ZNF462: variants seen among roughly 807,000 people sequenced by gnomAD.
ZNF462 encodes the protein zinc finger protein 462.
ZNF462 carries 10 observed loss-of-function variants against 201.9 expected under a neutral mutation model. The observed-to-expected ratio is 0.05, with a 90% CI of 0.03 to 0.08. The LOEUF is 0.08. Ranked by LOEUF, ZNF462 falls within the 10% of genes least tolerant of loss-of-function variation. The probability of loss-of-function intolerance (pLI) is 1.00; values close to 1 mark genes in which losing one functional copy is unlikely to be tolerated. For missense variants in ZNF462, 2,523 were observed against 3,168.3 expected (o/e 0.80, Z 4.89); for synonymous variants, 1,227 against 1,193.3 (o/e 1.03, Z -0.58).
intron 1 of ZNF462, among the ~76,000 whole-genome samples, chr9:106,892,498 T>C (rs1370848140): frequency 6.7e-6 from 1 of 149,476 alleles, no homozygotes; most frequent in African/African-American, 2.5e-5. Context: ...AGAGTTCTTC[T>C]CACTTAACAT....
In ZNF462 at chr9:106,927,427, C is replaced by G. The variant is rs1469441260; in HGVS notation, c.3515C>G (p.Pro1172Arg). 6.2e-6 allele frequency: 10 copies of G among 1,614,006 alleles called. No individual in the cohort carries two copies. Among genetic ancestry groups the G allele is most frequent in the Admixed American group, 1.7e-5 (1 of 60,010 alleles). ...CAAGGCTCCCCCCGGCCACCCGCCC[C>G]CATACAACAGCTGAACCGAAGCAGC... is the stretch of plus-strand genomic sequence containing the variant. ...GPQGSPRPPA[P>R]IQQLNRSSSE... Residue 1172 changes from proline (P) to arginine (R), a missense_variant, in exon 3 of 13, where the codon CCC becomes CGC. This residue lies in a region of ZNF462 where 222 missense variants were observed against 271.6 expected (regional missense o/e 0.82). Coordinates refer to ENST00000277225, the MANE Select transcript of ZNF462 (RefSeq NM_021224.6).
chr9:106,932,245 T>C lies in ZNF462; in HGVS notation c.6013-201T>C, dbSNP rs1830453293. The C allele has an allele frequency of 6.5e-7, 1 of 1,549,982 alleles. No individual in the cohort carries two copies. Among genetic ancestry groups the C allele is most frequent in the Admixed American group, 2.0e-5 (1 of 50,966 alleles). ...TTATTTTGTTGGTGGGGCATGTGTG[T>C]GTGTGTGGTTCTCTTAGCAGGAGGC... On this transcript the variant is annotated intron_variant, in intron 4 of 12. Transcript: ENST00000277225. The surrounding 1 kb of genome is among the most constrained non-coding windows in gnomAD (Gnocchi z 6.8).
rs201673834 is a variant in ZNF462 at position 106,929,562 on chromosome 9, G to A, written c.5650G>A (p.Gly1884Ser). 66 of 1,614,158 alleles carry A rather than the reference G, an allele frequency of 4.1e-5. No homozygotes were observed. The East Asian group carries it at 1.2e-3, about 29-fold the overall frequency. Reference sequence around the variant, plus strand: ...GAGGGACTTCATCATTCTGGGCAACGGCCCCCGCTTGCAGAACTCCACCTA... The same window carrying A: ...GAGGGACTTCATCATTCTGGGCAACAGCCCCCGCTTGCAGAACTCCACCTA... ...LKRDFIILGNGPRLQNSTYQC... is the reference protein window; with the variant it reads ...LKRDFIILGNSPRLQNSTYQC... The change falls in exon 3 of 13, where the codon GGC (glycine) becomes AGC (serine). Residue 1884 changes from glycine to serine, a missense_variant. Coordinates refer to ENST00000277225, the MANE Select transcript of ZNF462 (RefSeq NM_021224.6). This position sits in a 1 kb window ranked among gnomAD's most constrained non-coding sequence, Gnocchi z 8.7.
intron 11 of ZNF462, among the ~76,000 whole-genome samples, chr9:107,007,341 G>C (rs1829619364): frequency 6.6e-6 from 1 of 152,164 alleles, no homozygotes; most frequent in South Asian, 2.1e-4. Context: ...TACCCTACTT[G>C]GCAGCCCCCT....
intron 1 of ZNF462, among the ~76,000 whole-genome samples, chr9:106,921,898 G>A (rs1830007628): frequency 6.6e-6 from 1 of 152,186 alleles, no homozygotes; most frequent in Non-Finnish European, 1.5e-5. Context: ...CTGGTGCACA[G>A]TTCAATGTTT....
chr9:106,994,841 T>C (rs1169056701), intron 10 of ZNF462, among the ~76,000 whole-genome samples: 2 of 152,174 alleles, frequency 1.3e-5, no homozygotes, highest in Non-Finnish European at 2.9e-5. Flanking sequence ...CAAAATTCTT[T>C]GTCCCAGATT....
chr9:106,909,641 ATTG>A (rs1829459064), intron 1 of ZNF462, among the ~76,000 whole-genome samples: 1 of 152,162 alleles, frequency 6.6e-6, no homozygotes. Context: ...ATACTTCGGT[ATTG>A]TTCTCTCTTT....
rs1829100310 is a variant in ZNF462 at position 106,902,403 on chromosome 9, T to C, written c.-30-20951T>C. 6.6e-6 allele frequency among the ~76,000 whole-genome samples: 1 copy of C among 152,144 alleles called. No homozygotes were observed. The highest frequency in any genetic ancestry group is 1.5e-5 in the Non-Finnish European group (1 of 67,988). ...TTTCTTCTGTGGTTATGTCGTTTCC[T>C]GGTTTTGGTATTAGAGTGCTGCTGG... On this transcript the variant is annotated intron_variant, in intron 1 of 12. Coordinates refer to ENST00000277225, the MANE Select transcript of ZNF462 (RefSeq NM_021224.6). This position sits in a 1 kb window ranked among gnomAD's most constrained non-coding sequence, Gnocchi z 4.2.
At chr9:106,899,677 T>G (rs1416655529) in intron 1 of ZNF462, among the ~76,000 whole-genome samples, 1 of 152,138 alleles carries the variant, frequency 6.6e-6, no homozygotes, top group Non-Finnish European at 1.5e-5. Context: ...GAGAAAACAC[T>G]CATTTAAGAT....
Position 106,963,509 on chromosome 9 carries a change from A to G in ZNF462, c.6428-8496A>G, listed in dbSNP as rs1367607229. Among the ~76,000 whole-genome samples the G allele has an allele frequency of 6.6e-6, 1 of 152,076 alleles. No homozygotes were observed. Among genetic ancestry groups the G allele is most frequent in the Non-Finnish European group, 1.5e-5 (1 of 67,986 alleles). ...ACATTACCTGCTTGGTTGTCATTTC[A>G]GATTGACAGGAACAATGCCTTGTGT... On this transcript the variant is annotated intron_variant, in intron 7 of 12. Coordinates refer to ENST00000277225, the MANE Select transcript of ZNF462 (RefSeq NM_021224.6). The surrounding 1 kb of genome is among the most constrained non-coding windows in gnomAD (Gnocchi z 4.7).
intron 10 of ZNF462, among the ~76,000 whole-genome samples, chr9:106,990,611 T>C (rs938798988): frequency 2.0e-5 from 3 of 151,994 alleles, no homozygotes; most frequent in African/African-American, 7.2e-5. Flanking sequence ...CCATATTATG[T>C]TCTTTAATTT....
intron 1 of ZNF462, among the ~76,000 whole-genome samples, chr9:106,891,378 A>C (rs907391396): frequency 6.6e-6 from 1 of 152,130 alleles, no homozygotes; most frequent in African/African-American, 2.4e-5. Flanking sequence ...GAAAGTTTAA[A>C]AACAAGTGAT....
Position 106,905,875 on chromosome 9 carries a change from G to A in ZNF462, c.-30-17479G>A, listed in dbSNP as rs188697870. ...TCTTCCACACCTGTGTAGTCTGCAC[G>A]CCGGATTTATGCCCTCCCCGGAGTT... On this transcript the variant is annotated intron_variant, in intron 1 of 12. Transcript: ENST00000277225. This position sits in a 1 kb window ranked among gnomAD's most constrained non-coding sequence, Gnocchi z 5.9. Among the ~76,000 whole-genome samples, 11 of 152,124 alleles carry A rather than the reference G, an allele frequency of 7.2e-5. No individual in the cohort carries two copies. Among genetic ancestry groups the A allele is most frequent in the Admixed American group, 4.6e-4 (7 of 15,290 alleles).
intron 10 of ZNF462, among the ~76,000 whole-genome samples, chr9:107,002,823 C>T (rs896911698): frequency 1.3e-5 from 2 of 152,118 alleles, no homozygotes; most frequent in Non-Finnish European, 2.9e-5. Flanking sequence ...CCTGCAACAC[C>T]CTGGTTGATG....
intron 1 of ZNF462, among the ~76,000 whole-genome samples, chr9:106,918,571 T>C (rs1159487531): frequency 6.6e-6 from 1 of 152,214 alleles, no homozygotes; most frequent in Non-Finnish European, 1.5e-5. Context: ...AGAACTTCCC[T>C]TGTTGCTAAG....
chr9:106,960,622 A>T (rs1831790204), intron 7 of ZNF462, among the ~76,000 whole-genome samples: 1 of 152,148 alleles, frequency 6.6e-6, no homozygotes, highest in Non-Finnish European at 1.5e-5. Flanking sequence ...TTCTCAATTA[A>T]CAATGGCAGA....
At position 106,863,860 on chromosome 9, in the gene ZNF462, G is replaced by A. The variant is rs140354625; in HGVS notation, c.-31+505G>A. On this transcript the variant is annotated intron_variant, in intron 1 of 12. Coordinates refer to ENST00000277225, the MANE Select transcript of ZNF462 (RefSeq NM_021224.6). ...GGGAGGCCGGAGACCTGAGCCGAGA[G>A]CCAGAGGGAGCGAGCGAGGGTCAGA... Among the ~76,000 whole-genome samples, 168 of 151,786 alleles carry A rather than the reference G, an allele frequency of 1.1e-3. 4 individuals carry two copies. In the East Asian group the frequency reaches 0.031, roughly 28 times the overall value.
At position 107,012,439 on chromosome 9, in the gene ZNF462, CT is replaced by C. The variant is rs962253808; in HGVS notation, c.*1434del. ...GCCTGGAGAACTACTTTCTTTCTTT[CT>C]TTTTTTTTTTTTTTTTTTTTTTTTA... On this transcript the variant is annotated 3_prime_UTR_variant, in exon 13 of 13. Coordinates refer to ENST00000277225, the MANE Select transcript of ZNF462 (RefSeq NM_021224.6). 5,089 of 86,142 alleles carry C rather than the reference CT, an allele frequency of 0.059. 16 individuals carry two copies. Among genetic ancestry groups the C allele is most frequent in the African/African-American group, 0.16 (3,635 of 23,352 alleles). The allele number at this position is 86,142 out of a possible 1,614,324, so 5.3% of individuals were successfully genotyped here. A position where few individuals can be genotyped will look rare whatever the true frequency, so the allele number is the denominator to read the frequency against.
intron 10 of ZNF462, among the ~76,000 whole-genome samples, chr9:106,985,505 A>G (rs1214959347): frequency 1.3e-5 from 2 of 152,146 alleles, no homozygotes; most frequent in South Asian, 2.1e-4. Flanking sequence ...AACTGAGATG[A>G]TCATTTCTGG....
Sources: allele counts gnomAD v4.1 joint callset (sites outside exome capture counted in the v4.1 genomes callset), GRCh38; gene constraint gnomAD v4.1.1; regional missense constraint gnomAD v4.1.1; non-coding constraint Gnocchi (gnomAD v3.1); transcripts MANE v1.5; gene names NCBI Gene and HGNC (gene_info 2026-07-23, HGNC 2026-07-21).